Variants in RPS6KC1 observed in about 807,000 individuals in gnomAD.
The protein encoded by RPS6KC1 is ribosomal protein S6 kinase C1, also known as inactive ribosomal protein S6 kinase delta-1.
Under a neutral mutation model 103.8 loss-of-function variants are expected in RPS6KC1, and 54 were observed. The observed-to-expected ratio is 0.52, with a 90% confidence interval of 0.42 to 0.65. RPS6KC1 has a LOEUF of 0.65. Among genes scored for constraint, RPS6KC1 ranks in the 30% least tolerant of loss-of-function variants. The probability of loss-of-function intolerance (pLI) is 0.00; values close to 1 mark genes in which losing one functional copy is unlikely to be tolerated. For synonymous variants in RPS6KC1, 439 were observed against 438.7 expected (o/e 1.00, Z -0.01); for missense variants, 1,151 against 1,253.8 (o/e 0.92, Z 1.24).
the RPS6KC1 span, among the ~76,000 whole-genome samples, chr1:213,581,427 T>G: frequency 0.44 from 67,004 of 151,862 alleles, 16,169 homozygotes; most frequent in African/African-American, 0.65. Flanking sequence ...TTCAGAAAAA[T>G]GAGACATGAT....
At chr1:213,151,121 C>G (rs1168410400) in intron 6 of RPS6KC1, among the ~76,000 whole-genome samples, 1 of 146,188 alleles carries the variant, frequency 6.8e-6, no homozygotes, top group East Asian at 2.1e-4. Flanking sequence ...GGGCGGGGGG[C>G]TGACCCCCCC....
the RPS6KC1 span, among the ~76,000 whole-genome samples, chr1:213,590,738 A>C: frequency 2.0e-5 from 3 of 152,106 alleles, no homozygotes; most frequent in East Asian, 5.8e-4. Context: ...CTAACATCCT[A>C]GGACTGCCTG....
chr1:213,711,824 C>T, the RPS6KC1 span, among the ~76,000 whole-genome samples: 1 of 152,182 alleles, frequency 6.6e-6, no homozygotes. Context: ...TCCTGTTTGC[C>T]TGGGTATCAC....
chr1:213,137,295 C>T (rs1264302345), intron 6 of RPS6KC1, among the ~76,000 whole-genome samples: 1 of 150,846 alleles, frequency 6.6e-6, no homozygotes, highest in African/African-American at 2.5e-5. Context: ...CACTTTCGAG[C>T]CTATAAAGCC....
chr1:213,718,786 C>T, the RPS6KC1 span, among the ~76,000 whole-genome samples: 1 of 152,186 alleles, frequency 6.6e-6, no homozygotes, highest in Admixed American at 6.5e-5. Context: ...TTTGCACTTG[C>T]ATGTGAATCA....
intron 6 of RPS6KC1, among the ~76,000 whole-genome samples, chr1:213,153,831 C>G (rs919190230): frequency 1.3e-5 from 2 of 152,160 alleles, no homozygotes; most frequent in Non-Finnish European, 2.9e-5. Context: ...TTGAAGGATA[C>G]TTTTGCTGGC....
At chr1:213,704,927 C>T in the RPS6KC1 span, among the ~76,000 whole-genome samples, 2 of 152,226 alleles carry the variant, frequency 1.3e-5, no homozygotes, top group Admixed American at 6.5e-5. Flanking sequence ...TCTGGATTAC[C>T]AGGCAGAGAC....
chr1:213,551,564 T>A, the RPS6KC1 span, among the ~76,000 whole-genome samples: 7 of 152,128 alleles, frequency 4.6e-5, no homozygotes, highest in Non-Finnish European at 1.0e-4. Context: ...GTTAGAATAG[T>A]TTTAGGTTCA....
chr1:213,548,233 A>G, the RPS6KC1 span, among the ~76,000 whole-genome samples: 1 of 152,252 alleles, frequency 6.6e-6, no homozygotes, highest in Admixed American at 6.5e-5. Context: ...AAGAAATTTT[A>G]GAAAGCAAGT....
At chr1:213,849,784 T>A in the RPS6KC1 span, among the ~76,000 whole-genome samples, 1 of 152,150 alleles carries the variant, frequency 6.6e-6, no homozygotes, top group Non-Finnish European at 1.5e-5. Flanking sequence ...TTGAGGTCTC[T>A]CAGTAAAATT....
the RPS6KC1 span, among the ~76,000 whole-genome samples, chr1:213,328,881 G>A: frequency 6.6e-6 from 1 of 152,054 alleles, no homozygotes; most frequent in Non-Finnish European, 1.5e-5. Context: ...TAGGAGCTGA[G>A]TAAACAGAGA....
rs79548825 is a variant in RPS6KC1, at chr1:213,111,188, A to G, written c.379-6129A>G. 9.1e-3 allele frequency among the ~76,000 whole-genome samples: 1,377 copies of G among 152,136 alleles called. 11 individuals carry two copies. The highest frequency in any genetic ancestry group is 0.03 in the Admixed American group (461 of 15,270). On this transcript the variant is annotated intron_variant, in intron 4 of 14. Coordinates refer to ENST00000366960, the MANE Select transcript of RPS6KC1 (RefSeq NM_012424.6). ...TTTTAGTCAATTTCCAGAGCCCTCAATGGTGGTTTTGACAGATTTCTCCAG... is the reference window on the plus strand; with the variant it reads ...TTTTAGTCAATTTCCAGAGCCCTCAGTGGTGGTTTTGACAGATTTCTCCAG...
chr1:213,216,436 C>T (rs546141353), intron 8 of RPS6KC1, among the ~76,000 whole-genome samples: 19 of 152,100 alleles, frequency 1.2e-4, no homozygotes, highest in East Asian at 1.9e-4. Flanking sequence ...ACTTTAACAC[C>T]GCACTGTCAA....
At chr1:213,710,351 TG>T in the RPS6KC1 span, among the ~76,000 whole-genome samples, 1 of 152,206 alleles carries the variant, frequency 6.6e-6, no homozygotes, top group Non-Finnish European at 1.5e-5. Context: ...TGCTTTTTTT[TG>T]CTTTCCATTT....
the RPS6KC1 span, among the ~76,000 whole-genome samples, chr1:213,535,294 A>G: frequency 6.6e-6 from 1 of 152,250 alleles, no homozygotes; most frequent in Non-Finnish European, 1.5e-5. Context: ...AATATTGCCA[A>G]CCACACAGGT....
chr1:213,747,589 C>A, the RPS6KC1 span, among the ~76,000 whole-genome samples: 3 of 152,168 alleles, frequency 2.0e-5, no homozygotes. Context: ...AAGCAATCAA[C>A]TAACCAATAT....
In RPS6KC1 at chr1:213,129,550, G is replaced by A; in HGVS notation, c.496G>A (p.Val166Ile). The change falls in exon 6 of 15, where the codon GTA becomes ATA. Residue 166 changes from valine (V) to isoleucine (I), a missense_variant. Around this residue, in one of 3 missense-constraint regions of RPS6KC1, gnomAD observed 959 missense variants for 1,006.3 expected, o/e 0.95. Transcript: ENST00000366960. ...TEGFSSDSDL[V>I]SLTVDVDSLA... ...AGGCTTCTCCAGTGACAGTGATCTG[G>A]TATCTCTTACTGTTGATGTGGATTC... 1 of 1,611,244 alleles carries A rather than the reference G, an allele frequency of 6.2e-7. No individual in the cohort carries two copies. The highest frequency in any genetic ancestry group is 1.1e-5 in the South Asian group (1 of 90,580).
At chr1:213,717,488 T>C in the RPS6KC1 span, among the ~76,000 whole-genome samples, 6 of 152,320 alleles carry the variant, frequency 3.9e-5, no homozygotes, top group South Asian at 1.2e-3. Flanking sequence ...AGTACATTAG[T>C]TGGCTAAAGC....
At chr1:213,825,838 C>T in the RPS6KC1 span, among the ~76,000 whole-genome samples, 1 of 152,166 alleles carries the variant, frequency 6.6e-6, no homozygotes, top group Admixed American at 6.5e-5. Context: ...CTTTGCTCAT[C>T]ATGGAATGAT....
Sources: allele counts gnomAD v4.1 joint callset (sites outside exome capture counted in the v4.1 genomes callset), GRCh38; gene constraint gnomAD v4.1.1; regional missense constraint gnomAD v4.1.1; transcripts MANE v1.5; gene names NCBI Gene and HGNC (gene_info 2026-07-23, HGNC 2026-07-21).